ADK: variants seen among roughly 807,000 people sequenced by gnomAD.
ADK encodes the protein N6,N6-dimethyladenosine kinase.
In ADK, 24 loss-of-function variants were observed where a neutral mutation model predicts 44.7. The ratio of observed to expected loss-of-function variants is 0.54; its 90% confidence interval spans 0.39 to 0.76. The LOEUF is 0.76. Ranked by LOEUF, ADK falls within the 30% of genes least tolerant of loss-of-function variation. ADK has a pLI of 0.00. For synonymous variants in ADK, 128 were observed against 142.6 expected (o/e 0.90, Z 0.73); for missense variants, 321 against 425.1 (o/e 0.76, Z 2.15).
chr10:74,388,145 G>A (rs1478027096), intron 4 of ADK, among the ~76,000 whole-genome samples: 1 of 152,164 alleles, frequency 6.6e-6, no homozygotes, highest in African/African-American at 2.4e-5. Context: ...AACCTCAGGT[G>A]ATCTGCCTGC....
chr10:74,628,274 T>C (rs1468937818), intron 9 of ADK, among the ~76,000 whole-genome samples: 1 of 152,116 alleles, frequency 6.6e-6, no homozygotes, highest in Non-Finnish European at 1.5e-5. Flanking sequence ...AATATCTGTT[T>C]ACTATTGAGG....
chr10:74,606,458 G>T (rs1183543705), intron 9 of ADK, among the ~76,000 whole-genome samples: 1 of 152,126 alleles, frequency 6.6e-6, no homozygotes, highest in African/African-American at 2.4e-5. Flanking sequence ...TGGTTTTAAA[G>T]AACTTATTTA....
intron 9 of ADK, among the ~76,000 whole-genome samples, chr10:74,613,594 G>A (rs1207981487): frequency 1.3e-5 from 2 of 151,988 alleles, no homozygotes; most frequent in African/African-American, 4.8e-5. Flanking sequence ...TTGTCTTCAT[G>A]TTCCTGAGTC....
At chr10:74,252,657 G>A (rs2132341658) in intron 3 of ADK, among the ~76,000 whole-genome samples, 1 of 152,280 alleles carries the variant, frequency 6.6e-6, no homozygotes, top group South Asian at 2.1e-4. Context: ...GTTTCTGTAG[G>A]TAAAAGGAAT....
chr10:74,473,246 CTAAA>C (rs1348941484), intron 6 of ADK, among the ~76,000 whole-genome samples: 7 of 151,736 alleles, frequency 4.6e-5, no homozygotes, highest in African/African-American at 7.3e-5. Flanking sequence ...TGTGCCTGGC[CTAAA>C]TAGTTTTATT....
At chr10:74,663,669 G>A (rs1854836648) in intron 9 of ADK, among the ~76,000 whole-genome samples, 1 of 152,072 alleles carries the variant, frequency 6.6e-6, no homozygotes, top group Non-Finnish European at 1.5e-5. Flanking sequence ...GGATGTCATG[G>A]CATATTATTA....
At chr10:74,488,467 C>G (rs1473395237) in intron 6 of ADK, among the ~76,000 whole-genome samples, 3 of 150,296 alleles carry the variant, frequency 2.0e-5, no homozygotes, top group African/African-American at 7.3e-5. Flanking sequence ...ATTTGTACTA[C>G]TCTCAATTTT....
At chr10:74,574,957 GT>G (rs1430224293) in intron 7 of ADK, among the ~76,000 whole-genome samples, 1 of 152,134 alleles carries the variant, frequency 6.6e-6, no homozygotes, top group Non-Finnish European at 1.5e-5. Context: ...AGAAAACTTT[GT>G]TTTGAAGAAG....
At chr10:74,171,808 CTCTGTGTGTGTGTGTGTGTGTG>C (rs1373867555) in intron 1 of ADK, among the ~76,000 whole-genome samples, 13 of 142,534 alleles carry the variant, frequency 9.1e-5, no homozygotes, top group Admixed American at 7.7e-4. Flanking sequence ...CTCTCTGTCT[CTCTGTGTGTGTGTGTGTGTGTG>C]TGTGTGTGTG....
At chr10:74,242,212 C>T (rs898486852) in intron 3 of ADK, among the ~76,000 whole-genome samples, 2 of 152,090 alleles carry the variant, frequency 1.3e-5, no homozygotes, top group Admixed American at 6.5e-5. Context: ...AAAAGTTGTA[C>T]AAGTTGAGAT....
intron 10 of ADK, among the ~76,000 whole-genome samples, chr10:74,688,511 G>T (rs975971175): frequency 1.3e-5 from 2 of 152,184 alleles, no homozygotes; most frequent in Non-Finnish European, 2.9e-5. Flanking sequence ...AGACCATTTA[G>T]TCGGTATTTC....
At chr10:74,204,385 T>C (rs888064165) in intron 2 of ADK, among the ~76,000 whole-genome samples, 2 of 152,330 alleles carry the variant, frequency 1.3e-5, no homozygotes, top group Middle Eastern at 6.8e-3. Flanking sequence ...ATTTTCTTAT[T>C]GTTCATTGAT....
chr10:74,334,759 G>A (rs955191102), intron 4 of ADK, among the ~76,000 whole-genome samples: 19 of 152,066 alleles, frequency 1.2e-4, no homozygotes, highest in African/African-American at 4.3e-4. Context: ...TTCCTGGCAG[G>A]CTTCATAGGG....
At chr10:74,465,522 T>TAAC (rs1846320970) in intron 6 of ADK, among the ~76,000 whole-genome samples, 1 of 152,186 alleles carries the variant, frequency 6.6e-6, no homozygotes, top group Non-Finnish European at 1.5e-5. Flanking sequence ...TTCTCACTGT[T>TAAC]ATATGGACAA....
chr10:74,659,018 C>G (rs1054215760), intron 9 of ADK, among the ~76,000 whole-genome samples: 8 of 151,882 alleles, frequency 5.3e-5, no homozygotes, highest in Non-Finnish European at 1.2e-4. Context: ...AAGTTTGAAA[C>G]CAGCCTAGGC....
chr10:74,217,954 A>C (rs1306736180), intron 2 of ADK, among the ~76,000 whole-genome samples: 1 of 152,154 alleles, frequency 6.6e-6, no homozygotes, highest in Non-Finnish European at 1.5e-5. Flanking sequence ...AAACTCTAAA[A>C]AGCAGAGCAC....
intron 4 of ADK, among the ~76,000 whole-genome samples, chr10:74,350,990 ACC>A (rs930953726): frequency 3.3e-5 from 5 of 152,234 alleles, no homozygotes; most frequent in Admixed American, 2.6e-4. Context: ...TCCGAATTCT[ACC>A]AGAGGTTCAA....
chr10:74,176,417 TGCTGTTACAGG>T lies in ADK; in HGVS notation c.66-24345_66-24335del, dbSNP rs1423270951. The T allele has an allele frequency of 4.0e-6, 4 of 1,006,328 alleles. No individual in the cohort carries two copies. In the African/African-American group the frequency reaches 6.9e-5, roughly 17 times the overall value. 62.3% of individuals were successfully genotyped at this position (1,006,328 alleles called of 1,614,324 possible). Reference sequence around the variant, plus strand: ...GCCCTGACAGCGCCTCTTTCCTAAGTGCTGTTACAGGGAGCTGAGCTTGCCGAGGTAGACAG... The same window carrying T: ...GCCCTGACAGCGCCTCTTTCCTAAGTGAGCTGAGCTTGCCGAGGTAGACAG... On this transcript the variant is annotated intron_variant, in intron 1 of 10. Coordinates refer to ENST00000539909, the MANE Select transcript of ADK (RefSeq NM_006721.4).
intron 4 of ADK, among the ~76,000 whole-genome samples, chr10:74,373,646 G>GT (rs1416830549): frequency 2.0e-5 from 3 of 152,278 alleles, no homozygotes; most frequent in African/African-American, 7.2e-5. Context: ...AGGATGATGG[G>GT]TATAATCAGA....
Sources: allele counts gnomAD v4.1 joint callset (sites outside exome capture counted in the v4.1 genomes callset), GRCh38; gene constraint gnomAD v4.1.1; transcripts MANE v1.5; gene names NCBI Gene and HGNC (gene_info 2026-07-23, HGNC 2026-07-21).